PAAF1: variants seen among roughly 807,000 people sequenced by gnomAD.
PAAF1 encodes proteasomal ATPase associated factor 1.
PAAF1 carries 46 observed loss-of-function variants against 52.8 expected under a neutral mutation model. The ratio of observed to expected loss-of-function variants is 0.87; its 90% confidence interval spans 0.69 to 1.11. The LOEUF (loss-of-function observed/expected upper bound fraction) is 1.11. Ranked by LOEUF, PAAF1 falls within the 50% of genes most tolerant of loss-of-function variation. The pLI, the probability that PAAF1 is intolerant of heterozygous loss-of-function variation, is 0.00. For synonymous variants in PAAF1, 178 were observed against 172.8 expected (o/e 1.03, Z -0.24); for missense variants, 424 against 477.4 (o/e 0.89, Z 1.04).
chr11:73,898,409 T>C (rs1312502888), intron 4 of PAAF1, among the ~76,000 whole-genome samples: 2 of 152,034 alleles, frequency 1.3e-5, no homozygotes, highest in East Asian at 1.9e-4. Flanking sequence ...AGAGATGGAG[T>C]CTCATTATAT....
chr11:73,898,928 T>C (rs998670976), intron 4 of PAAF1, among the ~76,000 whole-genome samples: 2 of 152,226 alleles, frequency 1.3e-5, no homozygotes, highest in African/African-American at 4.8e-5. Flanking sequence ...ATTAGAGGAA[T>C]ATCTTTTTGT....
At chr11:73,881,500 C>G (rs1948905619) in intron 2 of PAAF1, among the ~76,000 whole-genome samples, 1 of 152,130 alleles carries the variant, frequency 6.6e-6, no homozygotes, top group Non-Finnish European at 1.5e-5. Flanking sequence ...GTTGGCCAGG[C>G]TGGTCTTGAA....
At chr11:73,892,852 G>A (rs1949235492) in intron 4 of PAAF1, among the ~76,000 whole-genome samples, 1 of 152,052 alleles carries the variant, frequency 6.6e-6, no homozygotes, top group African/African-American at 2.4e-5. Flanking sequence ...AGTAGAGACG[G>A]GGTTTCACTG....
rs1205353834 is a variant in PAAF1 at position 73,897,004 on chromosome 11, C to T, written c.283-2142C>T. Among the ~76,000 whole-genome samples the T allele has an allele frequency of 1.2e-3, 158 of 131,462 alleles. 2 individuals carry two copies. Among genetic ancestry groups the T allele is most frequent in the African/African-American group, 4.2e-3 (142 of 33,478 alleles). The allele number at this position is 131,462 out of a possible 152,430, so 86.2% of individuals were successfully genotyped here. A position where few individuals can be genotyped will look rare whatever the true frequency, so the allele number is the denominator to read the frequency against. ...CTGACCCCCCCACCTCCCTCCTGGA[C>T]GGGGCGGCTGGCCGGGCAGAGGGGC... is the stretch of plus-strand genomic sequence containing the variant. On this transcript the variant is annotated intron_variant, in intron 4 of 11. Coordinates refer to ENST00000310571, the MANE Select transcript of PAAF1 (RefSeq NM_025155.3).
In PAAF1 at chr11:73,922,538, C is replaced by G. The variant is rs572031553; in HGVS notation, c.1019-2077C>G. On this transcript the variant is annotated intron_variant, in intron 10 of 11. Transcript: ENST00000310571. ...TACTGGTTTAGAAGTTGGATATAGG[C>G]CGGGCACAGTGGCTCACACCTGTAA... Among the ~76,000 whole-genome samples the G allele has an allele frequency of 2.6e-5, 4 of 152,130 alleles. No individual in the cohort carries two copies. In the East Asian group the frequency reaches 5.8e-4, roughly 22 times the overall value.
chr11:73,877,137 A>T, intron 1 of PAAF1, 69 bp downstream of exon 1: 2 of 1,435,236 alleles, frequency 1.4e-6, no homozygotes, highest in Non-Finnish European at 1.9e-6. Context: ...AAGGAGAGCC[A>T]TGCCTGGTCC....
At chr11:73,925,266 A>G (rs1042639032) in intron 11 of PAAF1, among the ~76,000 whole-genome samples, 1 of 151,544 alleles carries the variant, frequency 6.6e-6, no homozygotes, top group Non-Finnish European at 1.5e-5. Context: ...AAACCAGCCT[A>G]GGCAATAAGA....
At chr11:73,910,916 G>C (rs1949912090) in intron 7 of PAAF1, among the ~76,000 whole-genome samples, 2 of 151,350 alleles carry the variant, frequency 1.3e-5, no homozygotes, top group Admixed American at 6.6e-5. Context: ...TGTGAACCTG[G>C]GAGGAGGAAG....
At chr11:73,904,671 T>C (rs994786582) in intron 6 of PAAF1, among the ~76,000 whole-genome samples, 1 of 152,210 alleles carries the variant, frequency 6.6e-6, no homozygotes, top group African/African-American at 2.4e-5. Flanking sequence ...GCCATTAATT[T>C]TCCCATATAC....
At chr11:73,916,693 T>G (rs1292890812) in intron 9 of PAAF1, 33 bp downstream of exon 9, 2 of 1,488,646 alleles carry the variant, frequency 1.3e-6, no homozygotes, top group South Asian at 2.3e-5. Context: ...GATGCAGGTC[T>G]TCTGCAGAGT....
intron 4 of PAAF1, among the ~76,000 whole-genome samples, chr11:73,894,335 T>C (rs1018327991): frequency 6.6e-6 from 1 of 152,098 alleles, no homozygotes; most frequent in Admixed American, 6.5e-5. Context: ...AGACCTTGTC[T>C]CTACAAAAAA....
At chr11:73,924,790 G>A (rs1033887191) in intron 11 of PAAF1, 93 bp downstream of exon 11, 19 of 1,011,600 alleles carry the variant, frequency 1.9e-5, no homozygotes, top group Non-Finnish European at 2.9e-5. Flanking sequence ...TGGTCATTAG[G>A]GATGATAAAA....
chr11:73,894,511 TAGG>T (rs1949291021), intron 4 of PAAF1, among the ~76,000 whole-genome samples: 1 of 152,014 alleles, frequency 6.6e-6, no homozygotes, highest in African/African-American at 2.4e-5. Context: ...GGGATAGCAT[TAGG>T]AGATGTACCT....
chr11:73,897,564 G>T (rs1175674531), intron 4 of PAAF1, among the ~76,000 whole-genome samples: 2 of 151,472 alleles, frequency 1.3e-5, no homozygotes, highest in African/African-American at 2.4e-5. Context: ...GGGCAGAGAC[G>T]CTCCTCACTT....
chr11:73,878,717 G>A, intron 1 of PAAF1, 62 bp from the exon 2 acceptor site: 4 of 1,502,394 alleles, frequency 2.7e-6, no homozygotes, highest in Non-Finnish European at 3.7e-6. Flanking sequence ...TTCTTCCCTT[G>A]TAACTATGGG....
In PAAF1 at chr11:73,927,665, G is replaced by A. The variant is rs1471344710; in HGVS notation, c.*303G>A. 6 of 403,422 alleles carry A rather than the reference G, an allele frequency of 1.5e-5. No homozygotes were observed. The highest frequency in any genetic ancestry group is 1.2e-4 in the African/African-American group (6 of 49,562). The allele number at this position is 403,422 out of a possible 1,614,324, so 25.0% of individuals were successfully genotyped here. On this transcript the variant is annotated 3_prime_UTR_variant, in exon 12 of 12. Coordinates refer to ENST00000310571, the MANE Select transcript of PAAF1 (RefSeq NM_025155.3). The stretch of plus-strand genomic sequence containing the variant: ...TGTTCTTAAACCAGTTTTGTTAAAT[G>A]TTTACAAGGACCTCAGTACTAAAGC...
At chr11:73,901,411 G>C (rs1006391723) in intron 6 of PAAF1, among the ~76,000 whole-genome samples, 1 of 152,152 alleles carries the variant, frequency 6.6e-6, no homozygotes, top group Admixed American at 6.6e-5. Flanking sequence ...TATTTTACAA[G>C]TTTGAATATT....
intron 9 of PAAF1, among the ~76,000 whole-genome samples, chr11:73,917,680 T>C (rs1950103028): frequency 6.6e-6 from 1 of 152,164 alleles, no homozygotes; most frequent in Non-Finnish European, 1.5e-5. Flanking sequence ...AAGACCAGCC[T>C]GGCCAACATG....
At position 73,916,623 on chromosome 11, in the gene PAAF1, G is replaced by C; in HGVS notation, c.898G>C (p.Asp300His). 1 of 1,614,102 alleles carries C rather than the reference G, an allele frequency of 6.2e-7. No homozygotes were observed. Among genetic ancestry groups the C allele is most frequent in the Non-Finnish European group, 8.5e-7 (1 of 1,179,986 alleles). The change falls in exon 9 of 12, where the codon GAT becomes CAT. Residue 300 changes from aspartate to histidine, a missense_variant. Physicochemically the swap from Asp to His is moderately conservative, Grantham distance 81. Transcript: ENST00000310571. ...SGFLLLAGTQ[D>H]GNIYQLDVRS... ...CTTCTTGCTATTGGCTGGGACTCAA[G>C]ATGGAAACATTTATCAGCTGGATGT...
Sources: gnomAD v4.1 joint callset for allele counts (sites outside exome capture counted in the v4.1 genomes callset) on GRCh38, gnomAD v4.1.1 for gene constraint, MANE v1.5 for transcripts, NCBI Gene and HGNC (gene_info 2026-07-23, HGNC 2026-07-21) for gene names.